The following LRRC27 variants were observed in gnomAD, a reference collection of about 807,000 sequenced individuals.
The protein encoded by LRRC27 is leucine-rich repeat-containing protein 27.
In LRRC27, 57 loss-of-function variants were observed where a neutral mutation model predicts 55.0. The observed-to-expected ratio is 1.04, with a 90% CI of 0.84 to 1.29. The LOEUF (loss-of-function observed/expected upper bound fraction) is 1.29. Ranked by LOEUF, LRRC27 falls within the 50% of genes most tolerant of loss-of-function variation. The pLI, the probability that LRRC27 is intolerant of heterozygous loss-of-function variation, is 0.00. For synonymous variants in LRRC27, 278 were observed against 251.9 expected (o/e 1.10, Z -0.98); for missense variants, 721 against 651.5 (o/e 1.11, Z -1.16).
chr10:132,374,933 C>T lies in LRRC27; in HGVS notation c.1417-133C>T. ...CGCGCCGTGATGCGGCTTGCAGGGG[C>T]CCCGGGGCAGCGGGGCTGGCTCTGC... On this transcript the variant is annotated intron_variant, in intron 10 of 10. Transcript: ENST00000368614. This position sits in a 1 kb window ranked among gnomAD's most constrained non-coding sequence, Gnocchi z 4.4. 4.1e-6 allele frequency: 4 copies of T among 966,248 alleles called. No individual in the cohort carries two copies. Among genetic ancestry groups the T allele is most frequent in the East Asian group, 2.6e-5 (1 of 39,152 alleles). The allele number at this position is 966,248 out of a possible 1,614,324, so 59.9% of individuals were successfully genotyped here. A position where few individuals can be genotyped will look rare whatever the true frequency, so the allele number is the denominator to read the frequency against.
chr10:132,363,734 C>T (rs373510074), intron 9 of LRRC27, among the ~76,000 whole-genome samples: 11 of 152,284 alleles, frequency 7.2e-5, no homozygotes, highest in South Asian at 4.1e-4. Context: ...TGCTGCTCAG[C>T]GTACGTCTGC....
At chr10:132,370,337 C>T (rs1400327764) in intron 10 of LRRC27, among the ~76,000 whole-genome samples, 2 of 152,240 alleles carry the variant, frequency 1.3e-5, no homozygotes, top group Non-Finnish European at 2.9e-5. Flanking sequence ...CTATGTCACC[C>T]TGCCCAGGAG....
intron 2 of LRRC27, among the ~76,000 whole-genome samples, chr10:132,334,936 T>C (rs750173655): frequency 2.0e-5 from 3 of 152,224 alleles, no homozygotes; most frequent in Non-Finnish European, 4.4e-5. Context: ...ATAGAGTCTT[T>C]AAATGTGGTA....
At chr10:132,331,167 C>T (rs2066701542), upstream of LRRC27, among the ~76,000 whole-genome samples, 2 of 133,470 alleles carry the variant, frequency 1.5e-5, no homozygotes, top group Non-Finnish European at 3.1e-5. Context: ...CGCTACTGCA[C>T]TCCAGCCTGG....
At chr10:132,339,774 T>A (rs2067313933) in intron 3 of LRRC27, among the ~76,000 whole-genome samples, 1 of 152,254 alleles carries the variant, frequency 6.6e-6, no homozygotes, top group East Asian at 1.9e-4. Flanking sequence ...TAAGTGCTAC[T>A]CAGAGGATGT....
chr10:132,333,555 T>C lies in LRRC27; in HGVS notation c.31T>C (p.Ser11Pro), dbSNP rs564537567. The C allele has an allele frequency of 1.2e-6, 2 of 1,610,058 alleles. No individual in the cohort carries two copies. Among genetic ancestry groups the C allele is most frequent in the East Asian group, 2.2e-5 (1 of 44,834 alleles). The change falls in exon 2 of 11, where the codon TCT (serine) becomes CCT (proline). Residue 11 changes from serine (S) to proline (P), a missense_variant. Coordinates refer to ENST00000368614, the MANE Select transcript of LRRC27 (RefSeq NM_030626.3). ...GGGAAGCAGCTCCTACGAAGTTCCC[T>C]CTGTGGCTGCTGCTGATCTGGAGGA... MEGSSSYEVP[S>P]VAAADLEEGA...
At chr10:132,347,903 C>G in intron 5 of LRRC27, 81 bp from the exon 6 acceptor site, 1 of 1,500,480 alleles carries the variant, frequency 6.7e-7, no homozygotes, top group Non-Finnish European at 8.9e-7. Context: ...CCCCACCATC[C>G]AGGCCGTCAC....
chr10:132,342,102 A>G (rs1324305710), intron 3 of LRRC27, 111 bp from the exon 4 acceptor site: 1 of 659,654 alleles, frequency 1.5e-6, no homozygotes, highest in African/African-American at 1.8e-5. Flanking sequence ...GTGTATCTGT[A>G]TTGAAGTTGC....
Position 132,365,752 on chromosome 10 carries a change from C to T in LRRC27, c.1416+202C>T, listed in dbSNP as rs537056829. ...GAGTAGCTGGGACAAGTGTACACCA[C>T]CATGCCCGGCTAATTTTTGTATTTT... is the stretch of plus-strand genomic sequence containing the variant. On this transcript the variant is annotated intron_variant, in intron 10 of 10. Transcript: ENST00000368614. 8.5e-5 allele frequency among the ~76,000 whole-genome samples: 13 copies of T among 152,300 alleles called. No homozygotes were observed. In the South Asian group the frequency reaches 2.7e-3, roughly 32 times the overall value.
rs1453290365 is a variant in LRRC27 at position 132,377,401 on chromosome 10, T to C, written c.*2159T>C. On this transcript the variant is annotated 3_prime_UTR_variant, in exon 11 of 11. Coordinates refer to ENST00000368614, the MANE Select transcript of LRRC27 (RefSeq NM_030626.3). ...TATCTTTTAATATTATTCTCTTGGG[T>C]GTTGCCTTAGAGATTTCATACATGC... is the stretch of plus-strand genomic sequence containing the variant. 1.3e-5 allele frequency: 2 copies of C among 152,318 alleles called. No individual in the cohort carries two copies. The highest frequency in any genetic ancestry group is 4.8e-5 in the African/African-American group (2 of 41,570). 9.4% of individuals were successfully genotyped at this position (152,318 alleles called of 1,614,324 possible). A position where few individuals can be genotyped will look rare whatever the true frequency, so the allele number is the denominator to read the frequency against.
rs1458180682 is a variant in LRRC27, at chr10:132,377,714, A to T, written c.*2472A>T. On this transcript the variant is annotated 3_prime_UTR_variant, in exon 11 of 11. Transcript: ENST00000368614. ...AACTTTTTTTTAAGTATTTCTTTGT[A>T]TCATGGTTATGCTTTGACTGGCCGT... 1 of 152,078 alleles carries T rather than the reference A, an allele frequency of 6.6e-6. No homozygotes were observed. The highest frequency in any genetic ancestry group is 1.5e-5 in the Non-Finnish European group (1 of 68,028). The allele number at this position is 152,078 out of a possible 1,614,324, so 9.4% of individuals were successfully genotyped here.
intron 6 of LRRC27, among the ~76,000 whole-genome samples, chr10:132,350,039 G>A (rs1282623552): frequency 1.3e-5 from 2 of 152,184 alleles, no homozygotes; most frequent in African/African-American, 4.8e-5. Context: ...CTGGGACTCG[G>A]GAAGCTGGTG....
rs2067589597 is a variant in LRRC27 at position 132,344,654 on chromosome 10, T to C, written c.553+4T>C. ...CCCAGAAATCCAACTTCTCAAGGTT[T>C]GTAGGAGGTGATTTATGACAAATCA... On this transcript the variant is annotated splice_donor_region_variant and intron_variant, in intron 5 of 10. Coordinates refer to ENST00000368614, the MANE Select transcript of LRRC27 (RefSeq NM_030626.3). The C allele has an allele frequency of 6.2e-7, 1 of 1,613,164 alleles. No individual in the cohort carries two copies. The highest frequency in any genetic ancestry group is 8.5e-7 in the Non-Finnish European group (1 of 1,179,338).
Position 132,380,054 on chromosome 10 carries a change from TGG to T in LRRC27, c.*4814_*4815del, listed in dbSNP as rs2069391388. The stretch of plus-strand genomic sequence containing the variant: ...GCTCACGCCTGTAATCCCAGCACTT[TGG>T]GAGGCCGAGGTGGGCAGATCACCTA... On this transcript the variant is annotated 3_prime_UTR_variant, in exon 11 of 11. Transcript: ENST00000368614. 2.0e-5 allele frequency: 3 copies of T among 152,200 alleles called. No individual in the cohort carries two copies. The highest frequency in any genetic ancestry group is 2.0e-4 in the Admixed American group (3 of 15,278). The allele number at this position is 152,200 out of a possible 1,614,324, so 9.4% of individuals were successfully genotyped here. A position where few individuals can be genotyped will look rare whatever the true frequency, so the allele number is the denominator to read the frequency against.
Position 132,348,962 on chromosome 10 carries a change from G to T in LRRC27, c.926+606G>T. The T allele has an allele frequency of 6.2e-7, 1 of 1,601,946 alleles. No individual in the cohort carries two copies. The highest frequency in any genetic ancestry group is 8.5e-7 in the Non-Finnish European group (1 of 1,173,708). ...AGATTTTATTTTCCTTTCACACCCA[G>T]GACAAGGGTCCCTAGGAAACAGGCT... On this transcript the variant is annotated intron_variant, in intron 6 of 10. Transcript: ENST00000368614. The surrounding 1 kb of genome is among the most constrained non-coding windows in gnomAD (Gnocchi z 4.2).
In LRRC27 at chr10:132,379,330, C is replaced by T. The variant is rs1313013275; in HGVS notation, c.*4088C>T. ...TGGATGCCATCCTGCTCATCTCCAGCATTTCCTCTCACCTCCGTGTTCTCG... is the reference window on the plus strand; with the variant it reads ...TGGATGCCATCCTGCTCATCTCCAGTATTTCCTCTCACCTCCGTGTTCTCG... On this transcript the variant is annotated 3_prime_UTR_variant, in exon 11 of 11. Transcript: ENST00000368614. 5.4e-5 allele frequency: 8 copies of T among 148,136 alleles called. No individual in the cohort carries two copies. The Admixed American group carries it at 5.4e-4, about 10-fold the overall frequency. 9.2% of individuals were successfully genotyped at this position (148,136 alleles called of 1,614,324 possible). A position where few individuals can be genotyped will look rare whatever the true frequency, so the allele number is the denominator to read the frequency against.
At chr10:132,331,016 C>T (rs1245996379), upstream of LRRC27, among the ~76,000 whole-genome samples, 2 of 150,880 alleles carry the variant, frequency 1.3e-5, no homozygotes, top group African/African-American at 4.9e-5. Context: ...GCCTGGCCAA[C>T]ATGATGAAAC....
chr10:132,337,429 A>T, intron 2 of LRRC27, 136 bp from the exon 3 acceptor site: 1 of 1,434,252 alleles, frequency 7.0e-7, no homozygotes, highest in Admixed American at 2.8e-5. Flanking sequence ...AGGGTAAGAG[A>T]TTGGGTTTTT....
At chr10:132,346,818 A>T (rs199673058) in intron 5 of LRRC27, among the ~76,000 whole-genome samples, 2 of 60,430 alleles carry the variant, frequency 3.3e-5, no homozygotes, top group Non-Finnish European at 6.6e-5. Context: ...CTTGTACCCC[A>T]GGGGGAATTT....
Sources: allele counts gnomAD v4.1 joint callset (sites outside exome capture counted in the v4.1 genomes callset), GRCh38; gene constraint gnomAD v4.1.1; non-coding constraint Gnocchi (gnomAD v3.1); transcripts MANE v1.5; gene names NCBI Gene and HGNC (gene_info 2026-07-23, HGNC 2026-07-21).